Variants in ITPR1 observed in about 807,000 individuals in gnomAD.
ITPR1 encodes the protein inositol 1,4,5-trisphosphate-gated calcium channel ITPR1.
ITPR1 carries 96 observed loss-of-function variants against 318.4 expected under a neutral mutation model. The observed-to-expected ratio is 0.30, with a 90% CI of 0.26 to 0.36. ITPR1 has a LOEUF of 0.36. Ranked by LOEUF, ITPR1 falls within the 10% of genes least tolerant of loss-of-function variation. ITPR1 has a pLI of 1.00. For synonymous variants in ITPR1, 1,312 were observed against 1,289.9 expected, an observed-to-expected ratio of 1.02 and a Z score of -0.37; for missense variants, 2,440 against 3,460.2, an observed-to-expected ratio of 0.71 and a Z score of 7.40.
At chr3:4,598,529 G>A (rs914498774) in intron 4 of ITPR1, among the ~76,000 whole-genome samples, 1 of 152,226 alleles carries the variant, frequency 6.6e-6, no homozygotes. Context: ...GGCCGAGACA[G>A]GAGGATTGCT....
chr3:4,788,889 C>T (rs759181583), intron 52 of ITPR1, among the ~76,000 whole-genome samples: 22 of 152,152 alleles, frequency 1.4e-4, no homozygotes, highest in Admixed American at 4.6e-4. Flanking sequence ...ATAGTTGTGA[C>T]GTGTTGAGCT....
At chr3:4,672,845 A>C (rs923674644) in intron 20 of ITPR1, among the ~76,000 whole-genome samples, 2 of 152,238 alleles carry the variant, frequency 1.3e-5, no homozygotes, top group Non-Finnish European at 2.9e-5. Flanking sequence ...AAAAGTAAAC[A>C]TTAAGGACCT....
At chr3:4,550,816 G>A (rs1398155384) in intron 4 of ITPR1, among the ~76,000 whole-genome samples, 2 of 152,064 alleles carry the variant, frequency 1.3e-5, no homozygotes, top group African/African-American at 4.8e-5. Flanking sequence ...AGCCCAGGAA[G>A]TAGAGGCTGC....
At position 4,624,670 on chromosome 3, in the gene ITPR1, C is replaced by CAAAA. The variant is rs1161664837; in HGVS notation, c.164-3073_164-3070dup. On this transcript the variant is annotated intron_variant, in intron 4 of 61. Coordinates refer to ENST00000649015, the MANE Select transcript of ITPR1 (RefSeq NM_001378452.1). ...GGGCAACAGAGCCAGGCTCTGTCTC[C>CAAAA]AAAAAAAAAAAAAAAAAAAAAAAGA... 6.3e-4 allele frequency among the ~76,000 whole-genome samples: 46 copies of CAAAA among 72,462 alleles called. 1 individual carries two copies. The highest frequency in any genetic ancestry group is 1.9e-3 in the African/African-American group (44 of 23,240). The allele number at this position is 72,462 out of a possible 152,430, so 47.5% of individuals were successfully genotyped here. A position where few individuals can be genotyped will look rare whatever the true frequency, so the allele number is the denominator to read the frequency against.
At chr3:4,745,056 T>C (rs1279006102) in intron 44 of ITPR1, among the ~76,000 whole-genome samples, 1 of 710 alleles carries the variant, frequency 1.4e-3, no homozygotes, top group African/African-American at 3.7e-3. Flanking sequence ...TTCTTTTCCT[T>C]TCTCTTTCTG....
chr3:4,653,471 A>G (rs2093640641), intron 11 of ITPR1, among the ~76,000 whole-genome samples: 1 of 152,184 alleles, frequency 6.6e-6, no homozygotes, highest in Non-Finnish European at 1.5e-5. Flanking sequence ...ATTATCTGTC[A>G]TGTTTTGAAG....
At chr3:4,594,876 A>G (rs967828876) in intron 4 of ITPR1, among the ~76,000 whole-genome samples, 3 of 152,184 alleles carry the variant, frequency 2.0e-5, no homozygotes, top group Non-Finnish European at 1.5e-5. Flanking sequence ...CTCTGCCACA[A>G]AAGTTAAAAC....
chr3:4,746,294 T>C (rs2044103926), intron 44 of ITPR1, among the ~76,000 whole-genome samples: 9 of 152,020 alleles, frequency 5.9e-5, no homozygotes. Context: ...TTCTGTGGAG[T>C]ATGGAGCCCA....
At chr3:4,707,081 T>A (rs1251284425) in intron 37 of ITPR1, among the ~76,000 whole-genome samples, 4 of 152,190 alleles carry the variant, frequency 2.6e-5, no homozygotes, top group African/African-American at 9.7e-5. Context: ...AATGGTGTAA[T>A]CTTGGGAAAG....
intron 44 of ITPR1, among the ~76,000 whole-genome samples, chr3:4,736,731 C>T (rs2125323362): frequency 6.6e-6 from 1 of 152,302 alleles, no homozygotes; most frequent in African/African-American, 2.4e-5. Flanking sequence ...GAATGTTGCC[C>T]AGCCACTGCT....
intron 4 of ITPR1, among the ~76,000 whole-genome samples, chr3:4,567,768 A>AT (rs370413221): frequency 8.8e-4 from 133 of 151,992 alleles, no homozygotes; most frequent in African/African-American, 2.9e-3. Flanking sequence ...CACCCAGCTA[A>AT]TTTTTTTGTA....
At chr3:4,827,679 T>A (rs1299554782) in intron 60 of ITPR1, among the ~76,000 whole-genome samples, 1 of 152,104 alleles carries the variant, frequency 6.6e-6, no homozygotes, top group East Asian at 1.9e-4. Flanking sequence ...GGTCTAAGAT[T>A]CCAATAAGCA....
chr3:4,545,911 G>T (rs908790190), intron 4 of ITPR1, among the ~76,000 whole-genome samples: 2 of 151,744 alleles, frequency 1.3e-5, no homozygotes, highest in Non-Finnish European at 2.9e-5. Context: ...TACCAAGGGT[G>T]GTTTTGAACT....
At chr3:4,777,205 C>A (rs2046537869) in intron 47 of ITPR1, 59 bp from the exon 48 acceptor site, 6 of 1,014,292 alleles carry the variant, frequency 5.9e-6, no homozygotes, top group Non-Finnish European at 7.6e-6. Context: ...GCCTGTTGGC[C>A]TTTGACGTCT....
chr3:4,622,258 G>A (rs1365888914), intron 4 of ITPR1, among the ~76,000 whole-genome samples: 1 of 134,640 alleles, frequency 7.4e-6, no homozygotes, highest in Admixed American at 7.4e-5. Context: ...GGGACTACAG[G>A]CGCATGCCAC....
chr3:4,812,365 C>T (rs1246598395), intron 56 of ITPR1, among the ~76,000 whole-genome samples: 1 of 152,118 alleles, frequency 6.6e-6, no homozygotes, highest in Non-Finnish European at 1.5e-5. Flanking sequence ...TTAAAAAGCC[C>T]ATATACATAT....
At chr3:4,652,307 G>A in intron 11 of ITPR1, 89 bp downstream of exon 11, 2 of 900,746 alleles carry the variant, frequency 2.2e-6, no homozygotes, top group Non-Finnish European at 3.6e-6. Flanking sequence ...TGTTGTAAAA[G>A]GCTTAGGGAA....
chr3:4,825,054 G>A (rs958206584), intron 60 of ITPR1, among the ~76,000 whole-genome samples: 3 of 152,172 alleles, frequency 2.0e-5, no homozygotes, highest in Non-Finnish European at 4.4e-5. Context: ...CCACACCCAG[G>A]TGACTCATCT....
chr3:4,685,197 C>G lies in ITPR1; in HGVS notation c.3693C>G (p.Pro1231=), dbSNP rs927573756. Reference sequence around the variant, plus strand: ...TGGTGCTGGAGCTGCTGCAGATTCCCTATGAGAAGGTGAGCGGTGCCTCAT... The same window carrying G: ...TGGTGCTGGAGCTGCTGCAGATTCCGTATGAGAAGGTGAGCGGTGCCTCAT... ...HAVVLELLQI[P]YEKAEDTKMQ... Residue 1231 remains proline (P), a synonymous_variant, in exon 30 of 62, where the codon CCC becomes CCG. Transcript: ENST00000649015. The G allele has an allele frequency of 2.5e-6, 4 of 1,602,278 alleles. No individual in the cohort carries two copies. The African/African-American group carries it at 5.3e-5, about 21-fold the overall frequency.
Sources: gnomAD v4.1 joint callset for allele counts (sites outside exome capture counted in the v4.1 genomes callset) on GRCh38, gnomAD v4.1.1 for gene constraint, MANE v1.5 for transcripts, NCBI Gene and HGNC (gene_info 2026-07-23, HGNC 2026-07-21) for gene names.